WWC1: variants seen among roughly 807,000 people sequenced by gnomAD.
WWC1 encodes protein KIBRA.
WWC1 carries 55 observed loss-of-function variants against 138.4 expected under a neutral mutation model. The ratio of observed to expected loss-of-function variants is 0.40; its 90% CI spans 0.32 to 0.50. The LOEUF is 0.50. WWC1 is among the 20% of genes least tolerant of loss of function. The probability of loss-of-function intolerance (pLI) is 0.72; values close to 1 mark genes in which losing one functional copy is unlikely to be tolerated. For synonymous variants in WWC1, 524 were observed against 564.9 expected, an observed-to-expected ratio of 0.93 and a Z score of 1.03; for missense variants, 1,226 against 1,420.4, an observed-to-expected ratio of 0.86 and a Z score of 2.20.
At position 168,332,732 on chromosome 5, in the gene WWC1, A is replaced by G. The variant is rs188413812; in HGVS notation, c.120-38692A>G. On this transcript the variant is annotated intron_variant, in intron 1 of 22. Transcript: ENST00000265293. ...TTTCTTTTTCTTTTTTTTTTGTGAC[A>G]GGGTCTCACTCTGCCGCCCAGGCTG... Among the ~76,000 whole-genome samples the G allele has an allele frequency of 1.5e-3, 229 of 150,974 alleles. 1 individual carries two copies. Among genetic ancestry groups the G allele is most frequent in the African/African-American group, 4.1e-3 (170 of 41,056 alleles).
At chr5:168,464,368 C>T (rs527597596) in intron 20 of WWC1, among the ~76,000 whole-genome samples, 2 of 152,170 alleles carry the variant, frequency 1.3e-5, no homozygotes, top group East Asian at 3.9e-4. Context: ...ACAGAGAGGG[C>T]GGGTGGGGAC....
chr5:168,446,441 CAT>C (rs1755274857), intron 17 of WWC1, among the ~76,000 whole-genome samples: 1 of 152,124 alleles, frequency 6.6e-6, no homozygotes, highest in African/African-American at 2.4e-5. Flanking sequence ...GAAACAATGA[CAT>C]AGACGAGGGT....
chr5:168,369,895 A>ATTT lies in WWC1; in HGVS notation c.120-1508_120-1506dup, dbSNP rs35999257. ...CATTACATTATTCACTCATTGTGCAATTTTTTTTTTTTTTTTTTTTTTTGA... is the reference window on the plus strand; with the variant it reads ...CATTACATTATTCACTCATTGTGCAATTTTTTTTTTTTTTTTTTTTTTTTTTGA... On this transcript the variant is annotated intron_variant, in intron 1 of 22. Coordinates refer to ENST00000265293, the MANE Select transcript of WWC1 (RefSeq NM_015238.3). Among the ~76,000 whole-genome samples the ATTT allele has an allele frequency of 8.6e-3, 768 of 88,972 alleles. 17 individuals carry two copies. The highest frequency in any genetic ancestry group is 0.019 in the African/African-American group (396 of 20,906). The allele number at this position is 88,972 out of a possible 152,430, so 58.4% of individuals were successfully genotyped here.
At chr5:168,338,514 C>T (rs183515516) in intron 1 of WWC1, among the ~76,000 whole-genome samples, 11 of 151,028 alleles carry the variant, frequency 7.3e-5, no homozygotes, top group African/African-American at 2.2e-4. Context: ...CGGGTTCAAG[C>T]GGTTCTCCTG....
At chr5:168,310,257 T>C (rs561640904) in intron 1 of WWC1, among the ~76,000 whole-genome samples, 147 of 152,196 alleles carry the variant, frequency 9.7e-4, no homozygotes, top group African/African-American at 3.4e-3. Flanking sequence ...TAGGAAAATT[T>C]CAAAAATAGT....
chr5:168,324,502 G>C (rs998641636), intron 1 of WWC1, among the ~76,000 whole-genome samples: 1 of 152,088 alleles, frequency 6.6e-6, no homozygotes, highest in Non-Finnish European at 1.5e-5. Context: ...ATCTACGTGA[G>C]AAATTAAAAG....
intron 1 of WWC1, among the ~76,000 whole-genome samples, chr5:168,352,414 G>T (rs1011568741): frequency 2.0e-5 from 3 of 151,990 alleles, no homozygotes; most frequent in Non-Finnish European, 2.9e-5. Context: ...TGATATTGTT[G>T]TTCCTGTTTT....
chr5:168,407,876 T>A (rs1779920937), intron 6 of WWC1, among the ~76,000 whole-genome samples: 1 of 151,948 alleles, frequency 6.6e-6, no homozygotes, highest in Non-Finnish European at 1.5e-5. Flanking sequence ...CCCTTTTTTT[T>A]TTAAGAACCA....
At chr5:168,364,878 C>G (rs997341988) in intron 1 of WWC1, among the ~76,000 whole-genome samples, 2 of 152,176 alleles carry the variant, frequency 1.3e-5, no homozygotes, top group African/African-American at 4.8e-5. Context: ...GCATCTCGCC[C>G]TCTAGACTGT....
rs1779992314 is a variant in WWC1 at position 168,408,620 on chromosome 5, G to A, written c.834G>A (p.Leu278=). 1 of 1,614,180 alleles carries A rather than the reference G, an allele frequency of 6.2e-7. No homozygotes were observed. ...SSSFPLPKQY[L]DVSSQTDISG... The stretch of plus-strand genomic sequence containing the variant: ...GTTTCCCGCTACCGAAACAGTACCT[G>A]GATGTGAGCTCCCAGACAGACATCT... The change falls in exon 7 of 23, where the codon CTG becomes CTA. Residue 278 remains leucine (L), a synonymous_variant. Coordinates refer to ENST00000265293, the MANE Select transcript of WWC1 (RefSeq NM_015238.3).
At position 168,428,766 on chromosome 5, in the gene WWC1, C is replaced by G. The variant is rs1781715171; in HGVS notation, c.1979C>G (p.Thr660Ser). The change falls in exon 13 of 23, where the codon ACC becomes AGC. Residue 660 changes from threonine (T) to serine (S), a missense_variant. This residue lies in a region of WWC1 where 1,016 missense variants were observed against 1,153.9 expected (regional missense o/e 0.88). Transcript: ENST00000265293. The part of the protein sequence containing the change: ...DSDESEAVGA[T>S]RIQIALKYDE... ...GACGAATCGGAAGCAGTGGGTGCGA[C>G]CCGAATTCAGATTGCCCTGAAGTAA... 1 of 1,613,732 alleles carries G rather than the reference C, an allele frequency of 6.2e-7. No individual in the cohort carries two copies.
intron 5 of WWC1, among the ~76,000 whole-genome samples, chr5:168,403,111 T>TCTTG (rs202111795): frequency 4.0e-5 from 6 of 150,218 alleles, no homozygotes; most frequent in African/African-American, 1.5e-4. Flanking sequence ...TTTCTTTCTT[T>TCTTG]TCTTTCGACA....
chr5:168,434,569 A>C (rs983543973), intron 15 of WWC1, among the ~76,000 whole-genome samples: 7 of 152,210 alleles, frequency 4.6e-5, no homozygotes, highest in African/African-American at 1.7e-4. Context: ...AGAAAGGCTA[A>C]GTAAGCTGCC....
intron 1 of WWC1, among the ~76,000 whole-genome samples, chr5:168,314,175 G>A (rs1423549211): frequency 1.3e-5 from 2 of 152,136 alleles, no homozygotes; most frequent in Admixed American, 6.6e-5. Context: ...TCAGAGAACA[G>A]AGGGAAGAAA....
At chr5:168,345,433 C>T (rs1244016888) in intron 1 of WWC1, among the ~76,000 whole-genome samples, 6 of 152,204 alleles carry the variant, frequency 3.9e-5, no homozygotes. Flanking sequence ...GTTGTCTCTT[C>T]TTCTTTATCT....
rs747967678 is a variant in WWC1 at position 168,431,276 on chromosome 5, T to C, written c.2112T>C (p.Pro704=). 6 of 1,613,830 alleles carry C rather than the reference T, an allele frequency of 3.7e-6. No individual in the cohort carries two copies. Among genetic ancestry groups the C allele is most frequent in the Non-Finnish European group, 3.4e-6 (4 of 1,179,920 alleles). The change falls in exon 15 of 23, where the codon CCT becomes CCC. Residue 704 remains proline (P), a synonymous_variant. Transcript: ENST00000265293. ...QKVNIRVAVL[P]CSESTTCLFR... is the part of the protein sequence containing the mutation. Reference sequence around the variant, plus strand: ...GGAATATCCGCGTGGCTGTCCTTCCTTGCTCTGAAAGCACAACCTGCCTGT... The same window carrying C: ...GGAATATCCGCGTGGCTGTCCTTCCCTGCTCTGAAAGCACAACCTGCCTGT...
chr5:168,406,095 G>T (rs112463808), intron 5 of WWC1, 103 bp from the exon 6 acceptor site: 44 of 1,397,066 alleles, frequency 3.1e-5, no homozygotes, highest in Non-Finnish European at 3.9e-5. Context: ...AGAGGGAGGG[G>T]CCTTCTTAAG....
intron 3 of WWC1, among the ~76,000 whole-genome samples, chr5:168,389,603 T>TG (rs1778327330): frequency 1.1e-5 from 1 of 89,990 alleles, no homozygotes; most frequent in Admixed American, 1.1e-4. Flanking sequence ...TTTTGTTTTT[T>TG]TTTTTTTTTT....
rs924622557 is a variant in WWC1, at chr5:168,345,973, G to A, written c.120-25451G>A. Among the ~76,000 whole-genome samples the A allele has an allele frequency of 2.6e-5, 4 of 152,082 alleles. No homozygotes were observed. In the South Asian group the frequency reaches 6.2e-4, roughly 24 times the overall value. ...ATTATTGGAGTCTCAGTCTTCCCCA[G>A]TGCGAGCCTGCGGGGACCCTGTGTG... On this transcript the variant is annotated intron_variant, in intron 1 of 22. Coordinates refer to ENST00000265293, the MANE Select transcript of WWC1 (RefSeq NM_015238.3).
Sources: allele counts gnomAD v4.1 joint callset (sites outside exome capture counted in the v4.1 genomes callset), GRCh38; gene constraint gnomAD v4.1.1; regional missense constraint gnomAD v4.1.1; transcripts MANE v1.5; gene names NCBI Gene and HGNC (gene_info 2026-07-23, HGNC 2026-07-21).